Variants in EBF1 observed in about 807,000 individuals in gnomAD.
EBF1 encodes the protein EBF transcription factor 1.
In EBF1, 10 loss-of-function variants were observed where a neutral mutation model predicts 68.4. The ratio of observed to expected loss-of-function variants is 0.15; its 90% CI spans 0.09 to 0.25. The LOEUF (loss-of-function observed/expected upper bound fraction) is 0.25, where lower values mean the gene tolerates loss of function less well. EBF1 is among the 10% of genes least tolerant of loss of function. The pLI is 1.00. For synonymous variants in EBF1, 298 were observed against 299.8 expected (o/e 0.99, Z 0.06); for missense variants, 509 against 794.4 (o/e 0.64, Z 4.32).
chr5:158,841,409 C>T (rs1362224063), intron 6 of EBF1, among the ~76,000 whole-genome samples: 1 of 152,182 alleles, frequency 6.6e-6, no homozygotes, highest in Non-Finnish European at 1.5e-5. Context: ...TTTGCAATCT[C>T]TTTTACTACT....
intron 6 of EBF1, among the ~76,000 whole-genome samples, chr5:158,919,282 T>C (rs1009419744): frequency 2.0e-5 from 3 of 151,814 alleles, no homozygotes; most frequent in Non-Finnish European, 4.4e-5. Flanking sequence ...AACAACCTTG[T>C]AGGGGGAACA....
chr5:158,748,111 A>G (rs1303448696), intron 10 of EBF1, among the ~76,000 whole-genome samples: 3 of 152,218 alleles, frequency 2.0e-5, no homozygotes, highest in Non-Finnish European at 2.9e-5. Context: ...CTTGAAAAAT[A>G]TAAATGTATA....
rs193080514 is a variant in EBF1, at chr5:159,061,862, G to C, written c.554+11534C>G. 3.1e-4 allele frequency among the ~76,000 whole-genome samples: 47 copies of C among 152,150 alleles called. No individual in the cohort carries two copies. The Middle Eastern group carries it at 0.014, about 44-fold the overall frequency. The stretch of plus-strand genomic sequence containing the variant: ...TTTAATATAATATTAAGAAAAAAAA[G>C]AGTGTATCAGACATTCAGAGACACT... On this transcript the variant is annotated intron_variant, in intron 6 of 15. Transcript: ENST00000313708.
intron 6 of EBF1, among the ~76,000 whole-genome samples, chr5:158,992,779 G>A (rs1473349883): frequency 6.6e-6 from 1 of 152,102 alleles, no homozygotes; most frequent in Admixed American, 6.5e-5. Context: ...TCTGGGAACA[G>A]CATCATGAGA....
chr5:158,785,455 G>C (rs1225643617), intron 9 of EBF1, among the ~76,000 whole-genome samples: 3 of 152,118 alleles, frequency 2.0e-5, no homozygotes, highest in Admixed American at 1.3e-4. Flanking sequence ...CTCTTCTTCT[G>C]AGTTCCTTGG....
At chr5:158,742,312 C>A (rs1766585743) in intron 10 of EBF1, among the ~76,000 whole-genome samples, 1 of 152,182 alleles carries the variant, frequency 6.6e-6, no homozygotes, top group South Asian at 2.1e-4. Flanking sequence ...CCCAACCGTC[C>A]TGGAGTAAGA....
At chr5:158,748,725 C>T (rs1002599281) in intron 10 of EBF1, among the ~76,000 whole-genome samples, 12 of 152,090 alleles carry the variant, frequency 7.9e-5, no homozygotes, top group African/African-American at 2.9e-4. Context: ...ATAATGCTGC[C>T]CTTGCAAAAT....
intron 8 of EBF1, among the ~76,000 whole-genome samples, chr5:158,806,822 A>C (rs188088356): frequency 2.0e-5 from 3 of 152,260 alleles, no homozygotes. Flanking sequence ...AAGTTCACAC[A>C]CACAACCCTA....
chr5:158,731,868 G>A (rs995515001), intron 10 of EBF1, among the ~76,000 whole-genome samples: 3 of 152,168 alleles, frequency 2.0e-5, no homozygotes, highest in Non-Finnish European at 4.4e-5. Context: ...CAAAAGAAGA[G>A]CAAACCTGGA....
chr5:158,941,779 T>A (rs935569584), intron 6 of EBF1, among the ~76,000 whole-genome samples: 2 of 152,172 alleles, frequency 1.3e-5, no homozygotes, highest in Admixed American at 1.3e-4. Flanking sequence ...CCACATCAGA[T>A]GGTGATGAGT....
intron 4 of EBF1, among the ~76,000 whole-genome samples, chr5:159,088,084 G>T (rs369794622): frequency 3.9e-5 from 6 of 152,160 alleles, no homozygotes; most frequent in African/African-American, 1.4e-4. Flanking sequence ...GTGTAATGAG[G>T]TTAGCTCTAG....
intron 6 of EBF1, among the ~76,000 whole-genome samples, chr5:158,921,537 G>A (rs1459597453): frequency 1.3e-5 from 2 of 152,174 alleles, no homozygotes; most frequent in Non-Finnish European, 2.9e-5. Context: ...AGATAGTCCT[G>A]CCAAAGGTCA....
chr5:159,003,586 T>A (rs951815706), intron 6 of EBF1, among the ~76,000 whole-genome samples: 1 of 152,228 alleles, frequency 6.6e-6, no homozygotes, highest in Non-Finnish European at 1.5e-5. Context: ...AGCTTGCCTG[T>A]GTATTGTGCA....
chr5:158,866,751 G>T (rs895164307), intron 6 of EBF1, among the ~76,000 whole-genome samples: 5 of 150,384 alleles, frequency 3.3e-5, no homozygotes, highest in African/African-American at 1.2e-4. Flanking sequence ...GCTAGGCAGT[G>T]ACGAATGATG....
intron 6 of EBF1, among the ~76,000 whole-genome samples, chr5:158,878,850 G>A (rs1010796436): frequency 6.6e-6 from 1 of 151,968 alleles, no homozygotes; most frequent in African/African-American, 2.4e-5. Context: ...CACCATGTTG[G>A]CCAGGGTGGT....
rs139062127 is a variant in EBF1 at position 159,010,306 on chromosome 5, T to G, written c.554+63090A>C. The stretch of plus-strand genomic sequence containing the variant: ...GATAAATAACCTTACCTACAGAGGT[T>G]ACCAAAAGCTCTATGGGCAAATGCA... On this transcript the variant is annotated intron_variant, in intron 6 of 15. Coordinates refer to ENST00000313708, the MANE Select transcript of EBF1 (RefSeq NM_024007.5). Among the ~76,000 whole-genome samples, 1,291 of 152,362 alleles carry G rather than the reference T, an allele frequency of 8.5e-3. 9 individuals carry two copies. The highest frequency in any genetic ancestry group is 0.012 in the Non-Finnish European group (790 of 68,040).
intron 10 of EBF1, among the ~76,000 whole-genome samples, chr5:158,744,832 C>T (rs1767196892): frequency 6.6e-6 from 1 of 152,148 alleles, no homozygotes; most frequent in African/African-American, 2.4e-5. Flanking sequence ...CTTGAGCTGA[C>T]TTTTAGATTT....
rs1281255314 is a variant in EBF1 at position 158,881,898 on chromosome 5, C to T, written c.555-41788G>A. Among the ~76,000 whole-genome samples, 17 of 152,260 alleles carry T rather than the reference C, an allele frequency of 1.1e-4. No homozygotes were observed. The East Asian group carries it at 3.3e-3, about 29-fold the overall frequency. ...TGGGGGCAGGAGGGGCTCAGAAGAG[C>T]TAAAAATGAATCTGTCCCCCACCTC... On this transcript the variant is annotated intron_variant, in intron 6 of 15. Transcript: ENST00000313708.
intron 7 of EBF1, among the ~76,000 whole-genome samples, chr5:158,839,731 G>T (rs1223736741): frequency 6.6e-6 from 1 of 152,134 alleles, no homozygotes; most frequent in South Asian, 2.1e-4. Context: ...TTAGACAAAG[G>T]ATTCATCATT....
Sources: gnomAD v4.1 joint callset for allele counts (sites outside exome capture counted in the v4.1 genomes callset) on GRCh38, gnomAD v4.1.1 for gene constraint, MANE v1.5 for transcripts, NCBI Gene and HGNC (gene_info 2026-07-23, HGNC 2026-07-21) for gene names.